DYM: variants seen among roughly 807,000 people sequenced by gnomAD.
DYM encodes the protein dymeclin, also known as dyggve-Melchior-Clausen syndrome protein.
DYM carries 78 observed loss-of-function variants against 93.1 expected under a neutral mutation model. The ratio of observed to expected loss-of-function variants is 0.84; its 90% CI spans 0.70 to 1.01. The LOEUF is 1.01. Ranked by LOEUF, DYM falls within the 50% of genes least tolerant of loss-of-function variation. DYM has a pLI of 0.00. For missense variants in DYM, 789 were observed against 845.0 expected, an observed-to-expected ratio of 0.93 and a Z score of 0.82; for synonymous variants, 321 against 319.7, an observed-to-expected ratio of 1.00 and a Z score of -0.04.
At chr18:49,407,194 G>A (rs1335349578) in intron 2 of DYM, among the ~76,000 whole-genome samples, 2 of 152,184 alleles carry the variant, frequency 1.3e-5, no homozygotes, top group Non-Finnish European at 2.9e-5. Context: ...ATTAGGGATG[G>A]GGATGGGGAG....
chr18:49,394,871 G>C (rs560525074), intron 2 of DYM, among the ~76,000 whole-genome samples: 1 of 152,084 alleles, frequency 6.6e-6, no homozygotes, highest in East Asian at 1.9e-4. Flanking sequence ...TTTGACAAAG[G>C]CATCAAGAAC....
At chr18:49,143,087 C>G (rs2084708513) in intron 15 of DYM, among the ~76,000 whole-genome samples, 1 of 152,106 alleles carries the variant, frequency 6.6e-6, no homozygotes. Flanking sequence ...TACTGAAAAC[C>G]TACTATGATC....
intron 13 of DYM, among the ~76,000 whole-genome samples, chr18:49,236,095 A>C (rs1356891754): frequency 2.6e-5 from 4 of 152,324 alleles, no homozygotes; most frequent in African/African-American, 9.6e-5. Flanking sequence ...TTAAAAATTA[A>C]AACCTTTTTA....
intron 1 of DYM, among the ~76,000 whole-genome samples, chr18:49,451,128 C>T (rs2082486509): frequency 6.6e-6 from 1 of 152,158 alleles, no homozygotes; most frequent in Non-Finnish European, 1.5e-5. Flanking sequence ...GTCAAGGAAA[C>T]TTATTTTGAA....
Position 49,350,434 on chromosome 18 carries a change from G to A in DYM, c.494+12727C>T, listed in dbSNP as rs114790478. Reference sequence around the variant, plus strand: ...TATTTAAAAACACTTTTGGCTGAGCGCAGTGGCTTACGTCTGTAATCCCAG... The same window carrying A: ...TATTTAAAAACACTTTTGGCTGAGCACAGTGGCTTACGTCTGTAATCCCAG... On this transcript the variant is annotated intron_variant, in intron 6 of 17. Transcript: ENST00000675505. Among the ~76,000 whole-genome samples the A allele has an allele frequency of 3.5e-3, 526 of 152,220 alleles. 4 individuals carry two copies. The highest frequency in any genetic ancestry group is 0.012 in the African/African-American group (487 of 41,546).
intron 17 of DYM, among the ~76,000 whole-genome samples, chr18:49,061,074 AC>A (rs1385739538): frequency 6.6e-6 from 1 of 152,220 alleles, no homozygotes; most frequent in African/African-American, 2.4e-5. Context: ...CACAGAAGAT[AC>A]CAAAAAGTAG....
At chr18:49,388,874 T>C (rs894459471) in intron 3 of DYM, among the ~76,000 whole-genome samples, 4 of 139,634 alleles carry the variant, frequency 2.9e-5, no homozygotes, top group Non-Finnish European at 4.6e-5. Flanking sequence ...GCAAAACATA[T>C]GCTTCAAAAG....
At chr18:49,361,029 T>A (rs190790081) in intron 6 of DYM, among the ~76,000 whole-genome samples, 1 of 152,212 alleles carries the variant, frequency 6.6e-6, no homozygotes, top group African/African-American at 2.4e-5. Context: ...TCTGCTCACA[T>A]ATACTTGACC....
intron 6 of DYM, among the ~76,000 whole-genome samples, chr18:49,341,633 G>C (rs1599552682): frequency 6.6e-6 from 1 of 151,972 alleles, no homozygotes; most frequent in East Asian, 1.9e-4. Context: ...TACTGAAGCT[G>C]AGTGACAAGC....
intron 8 of DYM, among the ~76,000 whole-genome samples, chr18:49,331,552 A>G (rs1001465596): frequency 2.6e-5 from 4 of 152,262 alleles, no homozygotes; most frequent in Admixed American, 2.0e-4. Flanking sequence ...AAGTAGTGTT[A>G]TAAGTTTTCA....
intron 13 of DYM, among the ~76,000 whole-genome samples, chr18:49,254,323 T>TATATAC (rs2094349210): frequency 8.0e-6 from 1 of 124,932 alleles, no homozygotes; most frequent in Admixed American, 8.6e-5. Flanking sequence ...TATATATATA[T>TATATAC]ATACACACAT....
chr18:49,318,307 G>C (rs1489230006), intron 8 of DYM, among the ~76,000 whole-genome samples: 9 of 152,202 alleles, frequency 5.9e-5, no homozygotes, highest in Non-Finnish European at 1.3e-4. Context: ...TAGGAGACTT[G>C]AGAACAAACC....
At chr18:49,289,737 A>ATATATGTG (rs2059930479) in intron 8 of DYM, among the ~76,000 whole-genome samples, 1 of 21,354 alleles carries the variant, frequency 4.7e-5, no homozygotes, top group Non-Finnish European at 1.6e-4. Context: ...GTATATATAT[A>ATATATGTG]TATATATATA....
At chr18:49,164,749 C>T (rs1428869086) in intron 14 of DYM, among the ~76,000 whole-genome samples, 2 of 152,114 alleles carry the variant, frequency 1.3e-5, no homozygotes, top group Admixed American at 6.5e-5. Flanking sequence ...CCATAACAGA[C>T]TGAGGGATAT....
chr18:49,445,444 A>G (rs1318837166), intron 1 of DYM, among the ~76,000 whole-genome samples: 3 of 152,188 alleles, frequency 2.0e-5, no homozygotes, highest in Non-Finnish European at 2.9e-5. Flanking sequence ...ATAAAGAACA[A>G]GAAAGGACAC....
At chr18:49,422,697 G>C (rs1179922673) in intron 2 of DYM, among the ~76,000 whole-genome samples, 1 of 152,180 alleles carries the variant, frequency 6.6e-6, no homozygotes, top group Admixed American at 6.5e-5. Context: ...AAGGGATGGA[G>C]GAAGATATAA....
intron 14 of DYM, among the ~76,000 whole-genome samples, chr18:49,202,296 C>G (rs1194607430): frequency 1.3e-5 from 2 of 152,226 alleles, no homozygotes; most frequent in Non-Finnish European, 2.9e-5. Flanking sequence ...TGGAACACAA[C>G]AGAAAAGAAC....
chr18:49,104,805 G>C (rs1406657511), intron 16 of DYM, among the ~76,000 whole-genome samples: 2 of 152,138 alleles, frequency 1.3e-5, no homozygotes, highest in African/African-American at 4.8e-5. Flanking sequence ...TGCTGGATTT[G>C]GTTTGCCAGT....
At chr18:49,230,897 A>G (rs746138709) in intron 13 of DYM, among the ~76,000 whole-genome samples, 1 of 152,236 alleles carries the variant, frequency 6.6e-6, no homozygotes, top group Non-Finnish European at 1.5e-5. Flanking sequence ...TATATGTAGA[A>G]ATAAGTAAAA....
Sources: gnomAD v4.1 joint callset for allele counts (sites outside exome capture counted in the v4.1 genomes callset) on GRCh38, gnomAD v4.1.1 for gene constraint, MANE v1.5 for transcripts, NCBI Gene and HGNC (gene_info 2026-07-23, HGNC 2026-07-21) for gene names.